The following CLIC5 variants were observed in gnomAD, a reference collection of about 807,000 sequenced individuals.
CLIC5 encodes the protein chloride intracellular channel protein 5.
CLIC5 carries 20 observed loss-of-function variants against 24.7 expected under a neutral mutation model. That is an observed-to-expected ratio of 0.81 (90% CI 0.57 to 1.18). The LOEUF (loss-of-function observed/expected upper bound fraction) is 1.18. Ranked by LOEUF, CLIC5 falls within the 50% of genes most tolerant of loss-of-function variation. CLIC5 has a pLI of 0.00. For synonymous variants in CLIC5, 159 were observed against 135.6 expected (o/e 1.17, Z -1.20); for missense variants, 341 against 326.1 (o/e 1.05, Z -0.35).
At chr6:46,110,412 T>C in the CLIC5 span, among the ~76,000 whole-genome samples, 16 of 152,162 alleles carry the variant, frequency 1.1e-4, no homozygotes, top group African/African-American at 2.9e-4. Flanking sequence ...AGGAAACTAT[T>C]TGTGAGTATT....
Position 46,069,662 on chromosome 6 carries a change from C to G in CLIC5, c.540+10041G>C, listed in dbSNP as rs767769959. Among the ~76,000 whole-genome samples, 4 of 152,078 alleles carry G rather than the reference C, an allele frequency of 2.6e-5. No homozygotes were observed. In the East Asian group the frequency reaches 7.7e-4, roughly 29 times the overall value. On this transcript the variant is annotated intron_variant, in intron 1 of 5. Coordinates refer to the CLIC5 transcript ENST00000185206. ...CCAGATGTACAAAGAAGAGCTGGTACCATTCCTACTAAAACTTCCAAAAAA... is the reference window on the plus strand; with the variant it reads ...CCAGATGTACAAAGAAGAGCTGGTAGCATTCCTACTAAAACTTCCAAAAAA...
At chr6:46,080,617 A>G (rs1762899370), upstream of CLIC5, among the ~76,000 whole-genome samples, 1 of 152,212 alleles carries the variant, frequency 6.6e-6, no homozygotes, top group Non-Finnish European at 1.5e-5. Flanking sequence ...TTTCATCAAT[A>G]GAGCTCCCTC....
chr6:46,087,664 C>G, the CLIC5 span, among the ~76,000 whole-genome samples: 1 of 152,130 alleles, frequency 6.6e-6, no homozygotes, highest in Admixed American at 6.5e-5. Context: ...ACTTTAGTAG[C>G]TCTCTAACAC....
In CLIC5 at chr6:45,950,765, G is replaced by A. The variant is rs575863772; in HGVS notation, c.174-1384C>T. Among the ~76,000 whole-genome samples the A allele has an allele frequency of 1.4e-4, 21 of 152,218 alleles. No homozygotes were observed. In the South Asian group the frequency reaches 4.4e-3, roughly 32 times the overall value. ...GCTACAGTATTCATGCTCCACCATA[G>A]TCTACCTTTCACAGTATTTTAACTT... On this transcript the variant is annotated intron_variant, in intron 2 of 5. Coordinates refer to ENST00000339561, the MANE Select transcript of CLIC5 (RefSeq NM_016929.5).
In CLIC5 at chr6:46,015,460, G is replaced by C. The variant is rs188035743; in HGVS notation, c.63+20C>G. 1 of 1,503,040 alleles carries C rather than the reference G, an allele frequency of 6.7e-7. No homozygotes were observed. The highest frequency in any genetic ancestry group is 1.3e-5 in the South Asian group (1 of 77,492). The allele number at this position is 1,503,040 out of a possible 1,614,324, so 93.1% of individuals were successfully genotyped here. On this transcript the variant is annotated intron_variant, in intron 1 of 5. Transcript: ENST00000339561. The stretch of plus-strand genomic sequence containing the variant: ...GCGGGAGGCGCGGCAGGTGCGGCGG[G>C]AGACTGGACCCCGACCTACCTTCAC...
At chr6:45,945,804 C>T (rs1005900328) in intron 3 of CLIC5, among the ~76,000 whole-genome samples, 5 of 152,194 alleles carry the variant, frequency 3.3e-5, no homozygotes, top group Non-Finnish European at 2.9e-5. Flanking sequence ...TGAGTTATCG[C>T]TATACATTTT....
At chr6:45,909,587 A>G (rs929164531) in intron 5 of CLIC5, among the ~76,000 whole-genome samples, 1 of 152,230 alleles carries the variant, frequency 6.6e-6, no homozygotes. Flanking sequence ...TTCTTTAAGA[A>G]TGCTGAAAAT....
chr6:46,045,412 A>T (rs1174897179), intron 1 of CLIC5, among the ~76,000 whole-genome samples: 1 of 152,082 alleles, frequency 6.6e-6, no homozygotes, highest in Non-Finnish European at 1.5e-5. Flanking sequence ...CTGCCTGCCC[A>T]GGGGAATATG....
rs114981103 is a variant in CLIC5 at position 45,959,412 on chromosome 6, T to A, written c.64-4168A>T. Among the ~76,000 whole-genome samples the A allele has an allele frequency of 3.2e-3, 495 of 152,366 alleles. 2 individuals are homozygous for A. Among genetic ancestry groups the A allele is most frequent in the African/African-American group, 0.011 (468 of 41,582 alleles). On this transcript the variant is annotated intron_variant, in intron 1 of 5. Coordinates refer to ENST00000339561, the MANE Select transcript of CLIC5 (RefSeq NM_016929.5). The stretch of plus-strand genomic sequence containing the variant: ...TATTTTCTAAAAACAAGAAATTTAG[T>A]AAAAGTGGCAATGTTTTATATTTTT...
chr6:46,089,011 G>T, the CLIC5 span, among the ~76,000 whole-genome samples: 1 of 152,142 alleles, frequency 6.6e-6, no homozygotes, highest in South Asian at 2.1e-4. Context: ...TTAAGATTTT[G>T]TCTAATTTTC....
At chr6:46,125,259 A>G in the CLIC5 span, among the ~76,000 whole-genome samples, 1 of 152,214 alleles carries the variant, frequency 6.6e-6, no homozygotes, top group South Asian at 2.1e-4. Flanking sequence ...AAAAATAATG[A>G]GTTCATGTCC....
At chr6:45,937,006 G>T (rs1353704265) in intron 4 of CLIC5, among the ~76,000 whole-genome samples, 3 of 152,150 alleles carry the variant, frequency 2.0e-5, no homozygotes, top group Admixed American at 1.3e-4. Context: ...TTACAGAGGA[G>T]GGGTGAGTAC....
At chr6:46,013,685 A>G (rs1163434642) in intron 1 of CLIC5, among the ~76,000 whole-genome samples, 5 of 152,224 alleles carry the variant, frequency 3.3e-5, no homozygotes, top group African/African-American at 1.2e-4. Flanking sequence ...ACTGCCAACA[A>G]GAAAATTCCA....
In CLIC5 at chr6:46,015,639, C is replaced by A; in HGVS notation, c.-97G>T. Reference sequence around the variant, plus strand: ...GCGCTCCTGCCGCTGCCCAGCGGGGCTCCTCTTCAGGGCGGTGTTTAATTT... The same window carrying A: ...GCGCTCCTGCCGCTGCCCAGCGGGGATCCTCTTCAGGGCGGTGTTTAATTT... On this transcript the variant is annotated 5_prime_UTR_variant, in exon 1 of 6. Coordinates refer to ENST00000339561, the MANE Select transcript of CLIC5 (RefSeq NM_016929.5). 1 of 1,378,370 alleles carries A rather than the reference C, an allele frequency of 7.3e-7. No individual in the cohort carries two copies. The highest frequency in any genetic ancestry group is 9.5e-7 in the Non-Finnish European group (1 of 1,055,982). 85.4% of individuals were successfully genotyped at this position (1,378,370 alleles called of 1,614,324 possible).
intron 1 of CLIC5, among the ~76,000 whole-genome samples, chr6:46,079,022 C>A (rs1311614012): frequency 1.3e-5 from 2 of 152,122 alleles, no homozygotes; most frequent in African/African-American, 4.8e-5. Context: ...GAAAAAGGGC[C>A]TGCCATCTTG....
At chr6:45,887,688 G>T (rs929665014) in intron 6 of CLIC5, among the ~76,000 whole-genome samples, 13 of 152,222 alleles carry the variant, frequency 8.5e-5, no homozygotes, top group Admixed American at 3.3e-4. Context: ...TGTCATCTCA[G>T]CTTAGGGTTC....
At chr6:46,008,444 C>T (rs1167841804) in intron 1 of CLIC5, among the ~76,000 whole-genome samples, 1 of 152,182 alleles carries the variant, frequency 6.6e-6, no homozygotes, top group Non-Finnish European at 1.5e-5. Context: ...ATATGCATGA[C>T]TCATTGCATT....
At chr6:46,046,935 C>T (rs898981431) in intron 1 of CLIC5, among the ~76,000 whole-genome samples, 1 of 152,176 alleles carries the variant, frequency 6.6e-6, no homozygotes, top group Non-Finnish European at 1.5e-5. Context: ...AATACTCTGA[C>T]CTAACGCAAG....
chr6:45,941,697 G>A, intron 3 of CLIC5, 44 bp from the exon 4 acceptor site: 1 of 1,399,248 alleles, frequency 7.1e-7, no homozygotes, highest in Non-Finnish European at 1.0e-6. Flanking sequence ...TAGACTTGGA[G>A]CTCCTTTAAG....
Sources: allele counts gnomAD v4.1 joint callset (sites outside exome capture counted in the v4.1 genomes callset), GRCh38; gene constraint gnomAD v4.1.1; transcripts MANE v1.5; gene names NCBI Gene and HGNC (gene_info 2026-07-23, HGNC 2026-07-21).